PHF3: variants seen among roughly 807,000 people sequenced by gnomAD.
PHF3 encodes the protein PHD finger protein 3.
A neutral mutation model predicts 178.4 loss-of-function variants in PHF3; 41 were observed. The observed-to-expected ratio is 0.23, with a 90% CI of 0.18 to 0.30. PHF3 has a LOEUF of 0.30. PHF3 is among the 10% of genes least tolerant of loss of function. PHF3 has a pLI of 1.00. For synonymous variants in PHF3, 842 were observed against 800.5 expected (o/e 1.05, Z -0.88); for missense variants, 2,346 against 2,398.1 (o/e 0.98, Z 0.45).
intron 1 of PHF3, among the ~76,000 whole-genome samples, chr6:63,644,718 T>TA (rs961969305): frequency 6.6e-6 from 1 of 151,872 alleles, no homozygotes; most frequent in Admixed American, 6.6e-5. Flanking sequence ...GCTTTTTTTT[T>TA]AAAAAAAATT....
rs1012476840 is a variant in PHF3, at chr6:63,717,077, C to T, written c.*3369C>T. 2.6e-5 allele frequency among the ~76,000 whole-genome samples: 4 copies of T among 151,976 alleles called. No homozygotes were observed. Among genetic ancestry groups the T allele is most frequent in the Non-Finnish European group, 4.4e-5 (3 of 67,974 alleles). On this transcript the variant is annotated 3_prime_UTR_variant, in exon 16 of 16. Coordinates refer to ENST00000262043, the MANE Select transcript of PHF3 (RefSeq NM_001370348.2). ...TTAATCTGAAATCTTTATAGAATAG[C>T]TAAGGCTATAGTAAATACATGTGAA...
rs1461673108 is a variant in PHF3, at chr6:63,720,848, A to G, written c.*7140A>G. The G allele has an allele frequency of 6.4e-7, 1 of 1,551,238 alleles. No individual in the cohort carries two copies. The highest frequency in any genetic ancestry group is 2.4e-5 in the East Asian group (1 of 40,844). ...TATCCTCGGAAAGAATTAGACTGTTATTTATGTAGGCCTTGATAAGAGTCT... is the reference window on the plus strand; with the variant it reads ...TATCCTCGGAAAGAATTAGACTGTTGTTTATGTAGGCCTTGATAAGAGTCT... On this transcript the variant is annotated 3_prime_UTR_variant, in exon 16 of 16. Transcript: ENST00000262043.
At chr6:63,641,392 A>C (rs940260882) in intron 1 of PHF3, among the ~76,000 whole-genome samples, 6 of 152,022 alleles carry the variant, frequency 3.9e-5, no homozygotes, top group African/African-American at 1.2e-4. Context: ...TCTCCTGATA[A>C]ATTTTTGCTC....
chr6:63,653,734 T>G (rs769040827), intron 2 of PHF3, among the ~76,000 whole-genome samples: 1 of 152,184 alleles, frequency 6.6e-6, no homozygotes. Context: ...GGAAAAACTT[T>G]CAACTTTCCC....
chr6:63,650,508 C>T (rs1764977287), intron 2 of PHF3, among the ~76,000 whole-genome samples: 1 of 152,236 alleles, frequency 6.6e-6, no homozygotes, highest in Admixed American at 6.5e-5. Context: ...TGACATCAAG[C>T]AGTGTTGTTC....
At position 63,685,440 on chromosome 6, in the gene PHF3, A is replaced by G. The variant is rs779518127; in HGVS notation, c.1718A>G (p.His573Arg). The G allele has an allele frequency of 6.2e-7, 1 of 1,614,160 alleles. No individual in the cohort carries two copies. The highest frequency in any genetic ancestry group is 8.5e-7 in the Non-Finnish European group (1 of 1,180,012). ...SGVKSVKNQA[H>R]SVLKKTLQDQ... ...GTTAAATCTGTGAAAAACCAAGCTC[A>G]TTCTGTACTGAAAAAAACATTACAG... Residue 573 changes from histidine (H) to arginine (R), a missense_variant, in exon 4 of 16, where the codon CAT (histidine) becomes CGT (arginine). Transcript: ENST00000262043.
intron 2 of PHF3, among the ~76,000 whole-genome samples, chr6:63,673,515 A>G (rs1210522801): frequency 6.6e-6 from 1 of 152,204 alleles, no homozygotes; most frequent in Non-Finnish European, 1.5e-5. Flanking sequence ...AGGATAAGCA[A>G]GACCTAGCTC....
chr6:63,671,106 C>CT (rs563692137), intron 2 of PHF3, among the ~76,000 whole-genome samples: 4,597 of 141,974 alleles, frequency 0.032, 91 homozygotes, highest in African/African-American at 0.05. Context: ...GGTCGAGCTG[C>CT]TTTTTTTTTT....
chr6:63,684,622 T>A lies in PHF3; in HGVS notation c.900T>A (p.Ile300=). 1.2e-6 allele frequency: 2 copies of A among 1,613,962 alleles called. No individual in the cohort carries two copies. Among genetic ancestry groups the A allele is most frequent in the Non-Finnish European group, 1.7e-6 (2 of 1,179,932 alleles). Residue 300 remains isoleucine, a synonymous_variant, in exon 4 of 16, where the codon ATT becomes ATA. Coordinates refer to ENST00000262043, the MANE Select transcript of PHF3 (RefSeq NM_001370348.2). ...DKEEHEQNDS[I]SGKTGETVVE... ...AAGAACATGAACAAAATGATTCCAT[T>A]TCAGGTAAAACGGGTGAGACTGTTG... is the stretch of plus-strand genomic sequence containing the variant.
rs1377340514 is a variant in PHF3 at position 63,717,257 on chromosome 6, T to C, written c.*3549T>C. On this transcript the variant is annotated 3_prime_UTR_variant, in exon 16 of 16. Transcript: ENST00000262043. ...TTTAATAGTAGCTGTGTTTTTAAAGTTTATGAACCAAACTTAAATGCATTA... is the reference window on the plus strand; with the variant it reads ...TTTAATAGTAGCTGTGTTTTTAAAGCTTATGAACCAAACTTAAATGCATTA... Among the ~76,000 whole-genome samples, 1 of 152,000 alleles carries C rather than the reference T, an allele frequency of 6.6e-6. No individual in the cohort carries two copies. Among genetic ancestry groups the C allele is most frequent in the Non-Finnish European group, 1.5e-5 (1 of 67,966 alleles).
Position 63,697,611 on chromosome 6 carries a change from AAG to A in PHF3, c.2681-604_2681-603del, listed in dbSNP as rs1345304316. Among the ~76,000 whole-genome samples the A allele has an allele frequency of 2.6e-5, 4 of 152,308 alleles. No individual in the cohort carries two copies. In the South Asian group the frequency reaches 8.3e-4, roughly 32 times the overall value. ...TGGTTTTGCCAACACACATGTTTAA[AAG>A]AGAGAGAATAAAGATATTAAGTATA... On this transcript the variant is annotated intron_variant, in intron 6 of 15. Transcript: ENST00000262043.
At chr6:63,640,234 A>G (rs1011028848) in intron 1 of PHF3, among the ~76,000 whole-genome samples, 1 of 152,200 alleles carries the variant, frequency 6.6e-6, no homozygotes, top group Non-Finnish European at 1.5e-5. Context: ...ATTGTGTCAT[A>G]CCACATGGCC....
At position 63,717,039 on chromosome 6, in the gene PHF3, T is replaced by C. The variant is rs1768212122; in HGVS notation, c.*3331T>C. 6.6e-6 allele frequency among the ~76,000 whole-genome samples: 1 copy of C among 152,252 alleles called. No individual in the cohort carries two copies. Among genetic ancestry groups the C allele is most frequent in the South Asian group, 2.1e-4 (1 of 4,830 alleles). Reference sequence around the variant, plus strand: ...AGCCCTTGACTTACTAATTGTAGTTTATTGTGGGTGAATTAATCTGAAATC... The same window carrying C: ...AGCCCTTGACTTACTAATTGTAGTTCATTGTGGGTGAATTAATCTGAAATC... On this transcript the variant is annotated 3_prime_UTR_variant, in exon 16 of 16. Coordinates refer to ENST00000262043, the MANE Select transcript of PHF3 (RefSeq NM_001370348.2).
chr6:63,702,097 A>G (rs939720650), intron 9 of PHF3, among the ~76,000 whole-genome samples: 4 of 152,188 alleles, frequency 2.6e-5, no homozygotes, highest in African/African-American at 7.2e-5. Flanking sequence ...TGAATAAACT[A>G]CTATTGTGGG....
In PHF3 at chr6:63,684,825, A is replaced by T; in HGVS notation, c.1103A>T (p.Asp368Val). The change falls in exon 4 of 16, where the codon GAT (aspartate) becomes GTT (valine). Residue 368 changes from aspartate (D) to valine (V), a missense_variant. Asp to Val is a radical substitution (Grantham distance 152). Transcript: ENST00000262043. ...CTTGTAGGTTTGCCTAGTTGTGTAG[A>T]TGAAGTGACTGAATGTAATTTGGAA... is the stretch of plus-strand genomic sequence containing the variant. ...NSLVGLPSCV[D>V]EVTECNLELK... 1 of 1,613,962 alleles carries T rather than the reference A, an allele frequency of 6.2e-7. No individual in the cohort carries two copies. Among genetic ancestry groups the T allele is most frequent in the Non-Finnish European group, 8.5e-7 (1 of 1,179,848 alleles).
In PHF3 at chr6:63,685,159, T is replaced by C; in HGVS notation, c.1437T>C (p.Ser479=). The change falls in exon 4 of 16, where the codon TCT becomes TCC. Residue 479 remains serine, a synonymous_variant. Transcript: ENST00000262043. Reference sequence around the variant, plus strand: ...GAAACAGCCAGTCAAGTAGCGTTTCTTACTTAGAGTCAAAAAGTGTAAAAT... The same window carrying C: ...GAAACAGCCAGTCAAGTAGCGTTTCCTACTTAGAGTCAAAAAGTGTAAAAT... The part of the protein sequence containing the change: ...DDRNSQSSSV[S]YLESKSVKSK... 1 of 1,614,004 alleles carries C rather than the reference T, an allele frequency of 6.2e-7. No individual in the cohort carries two copies. Among genetic ancestry groups the C allele is most frequent in the Non-Finnish European group, 8.5e-7 (1 of 1,180,016 alleles).
chr6:63,683,534 G>A (rs1176576269), intron 3 of PHF3, among the ~76,000 whole-genome samples: 6 of 152,004 alleles, frequency 3.9e-5, no homozygotes, highest in Non-Finnish European at 7.4e-5. Flanking sequence ...TGAGCTGTAT[G>A]TGGTACTCTG....
intron 11 of PHF3, among the ~76,000 whole-genome samples, chr6:63,705,328 G>A (rs1767643503): frequency 6.6e-6 from 1 of 152,050 alleles, no homozygotes; most frequent in Non-Finnish European, 1.5e-5. Context: ...CTACCTTAGG[G>A]GTCCTCAACC....
chr6:63,694,947 C>T (rs928189929), intron 6 of PHF3, among the ~76,000 whole-genome samples, 183 bp downstream of exon 6: 1 of 152,024 alleles, frequency 6.6e-6, no homozygotes, highest in Non-Finnish European at 1.5e-5. Flanking sequence ...GCTCTAAATT[C>T]TGGGGAAGCG....
Sources: gnomAD v4.1 joint callset for allele counts (sites outside exome capture counted in the v4.1 genomes callset) on GRCh38, gnomAD v4.1.1 for gene constraint, MANE v1.5 for transcripts, NCBI Gene and HGNC (gene_info 2026-07-23, HGNC 2026-07-21) for gene names.